CMSS1: variants seen among roughly 807,000 people sequenced by gnomAD.
CMSS1 encodes protein CMSS1.
Under a neutral mutation model 43.5 loss-of-function variants are expected in CMSS1, and 33 were observed. The observed-to-expected ratio is 0.76, with a 90% CI of 0.57 to 1.01. CMSS1 has a LOEUF of 1.01. Ranked by LOEUF, CMSS1 falls within the 50% of genes least tolerant of loss-of-function variation. The probability of loss-of-function intolerance (pLI) is 0.00; values close to 1 mark genes in which losing one functional copy is unlikely to be tolerated. For missense variants in CMSS1, 313 were observed against 326.4 expected, an observed-to-expected ratio of 0.96 and a Z score of 0.32; for synonymous variants, 115 against 117.2, an observed-to-expected ratio of 0.98 and a Z score of 0.12.
At chr3:99,986,749 C>T (rs1709353286) in intron 1 of CMSS1, among the ~76,000 whole-genome samples, 2 of 151,968 alleles carry the variant, frequency 1.3e-5, no homozygotes, top group African/African-American at 2.4e-5. Context: ...TTTTGCCCCA[C>T]CCCCAGGGGA....
chr3:99,881,633 G>C (rs1217380328), intron 1 of CMSS1, among the ~76,000 whole-genome samples: 1 of 151,726 alleles, frequency 6.6e-6, no homozygotes, highest in Non-Finnish European at 1.5e-5. Flanking sequence ...CCTGGGTTCA[G>C]ACAGTTCTCC....
At chr3:99,894,215 G>A (rs149821156) in intron 1 of CMSS1, among the ~76,000 whole-genome samples, 1,762 of 152,298 alleles carry the variant, frequency 0.012, 19 homozygotes, top group African/African-American at 0.026. Flanking sequence ...TAAGTAGATT[G>A]CATAAGATAC....
At chr3:99,868,391 C>G (rs1485091755) in intron 1 of CMSS1, among the ~76,000 whole-genome samples, 3 of 152,174 alleles carry the variant, frequency 2.0e-5, no homozygotes, top group Non-Finnish European at 4.4e-5. Flanking sequence ...CTGCATCCTA[C>G]AAAGGACCTC....
chr3:100,154,778 G>A (rs995611601), intron 2 of CMSS1, among the ~76,000 whole-genome samples: 2 of 152,062 alleles, frequency 1.3e-5, no homozygotes, highest in African/African-American at 4.8e-5. Context: ...TTCAAGACAA[G>A]CCTGGCCAAT....
chr3:100,129,282 T>G (rs1444762894), intron 1 of CMSS1, among the ~76,000 whole-genome samples: 1 of 152,226 alleles, frequency 6.6e-6, no homozygotes, highest in Non-Finnish European at 1.5e-5. Flanking sequence ...CATTAGATTT[T>G]TGAGGGATGA....
At chr3:100,173,482 T>C (rs1329852644) in intron 8 of CMSS1, among the ~76,000 whole-genome samples, 4 of 152,106 alleles carry the variant, frequency 2.6e-5, no homozygotes, top group Non-Finnish European at 4.4e-5. Context: ...CCTTTTCCCC[T>C]CAAGGAGCTC....
At position 99,975,484 on chromosome 3, in the gene CMSS1, C is replaced by T. The variant is rs368066600; in HGVS notation, c.64+157441C>T. On this transcript the variant is annotated intron_variant, in intron 1 of 9. Coordinates refer to ENST00000421999, the MANE Select transcript of CMSS1 (RefSeq NM_032359.4). ...GCGGGCGCCTGTAATCCCAGCTACT[C>T]GGGAGGCTGAGGCAGGAGAATTGCT... 4.6e-5 allele frequency among the ~76,000 whole-genome samples: 7 copies of T among 151,576 alleles called. No individual in the cohort carries two copies. The South Asian group carries it at 1.0e-3, about 23-fold the overall frequency.
chr3:99,847,194 T>C (rs1425133535), intron 1 of CMSS1, among the ~76,000 whole-genome samples: 1 of 152,038 alleles, frequency 6.6e-6, no homozygotes, highest in Non-Finnish European at 1.5e-5. Flanking sequence ...TTTTATTTGC[T>C]TGTTTAAAAA....
intron 7 of CMSS1, 165 bp from the exon 8 acceptor site, chr3:100,172,151 G>C (rs12634094): frequency 1.5e-6 from 1 of 661,850 alleles, no homozygotes; most frequent in East Asian, 2.7e-5. Context: ...AAGATTACCA[G>C]TTTTCTAGGG....
At chr3:99,994,038 T>A (rs1161802095) in intron 1 of CMSS1, among the ~76,000 whole-genome samples, 1 of 152,114 alleles carries the variant, frequency 6.6e-6, no homozygotes. Flanking sequence ...GTTTCAGGAG[T>A]ATTGGATTTT....
intron 1 of CMSS1, among the ~76,000 whole-genome samples, chr3:100,082,461 A>G (rs2065946922): frequency 6.6e-6 from 1 of 152,304 alleles, no homozygotes; most frequent in East Asian, 1.9e-4. Context: ...GTAGTTAGTT[A>G]ATGGTTTCTA....
intron 1 of CMSS1, among the ~76,000 whole-genome samples, chr3:99,996,677 C>A (rs1709693189): frequency 6.6e-6 from 1 of 152,118 alleles, no homozygotes. Context: ...AAAGGCGCTT[C>A]TTACATGGGG....
intron 1 of CMSS1, among the ~76,000 whole-genome samples, chr3:100,047,663 C>T (rs1238014744): frequency 6.6e-6 from 1 of 152,198 alleles, no homozygotes; most frequent in African/African-American, 2.4e-5. Flanking sequence ...TTTTGTCCTT[C>T]TGGAAGCCTC....
At chr3:99,832,443 G>C (rs567579780) in intron 1 of CMSS1, among the ~76,000 whole-genome samples, 1 of 148,808 alleles carries the variant, frequency 6.7e-6, no homozygotes, top group South Asian at 2.1e-4. Context: ...TGTTAGCCAG[G>C]ATGATCTCGA....
intron 1 of CMSS1, among the ~76,000 whole-genome samples, chr3:99,944,968 A>G (rs1284311808): frequency 6.6e-6 from 1 of 152,220 alleles, no homozygotes; most frequent in East Asian, 1.9e-4. Flanking sequence ...ACTGTTCATT[A>G]TTCGGCTCAT....
At chr3:100,167,677 C>A in intron 5 of CMSS1, 61 bp from the exon 6 acceptor site, 1 of 1,003,254 alleles carries the variant, frequency 1.0e-6, no homozygotes, top group Non-Finnish European at 1.5e-6. Flanking sequence ...AAATGCTCAA[C>A]TTGGGAGGTG....
chr3:99,920,696 C>T (rs993375930), intron 1 of CMSS1, among the ~76,000 whole-genome samples: 1 of 150,980 alleles, frequency 6.6e-6, no homozygotes, highest in Admixed American at 6.6e-5. Context: ...CAATTGCTTA[C>T]TGATTACGAC....
At chr3:100,065,190 A>G (rs1224341680) in intron 1 of CMSS1, among the ~76,000 whole-genome samples, 6 of 152,172 alleles carry the variant, frequency 3.9e-5, no homozygotes, top group Admixed American at 2.0e-4. Context: ...GCCCCACCCC[A>G]GACTTACTGA....
intron 1 of CMSS1, among the ~76,000 whole-genome samples, chr3:99,854,618 C>T (rs1479895065): frequency 2.0e-5 from 3 of 152,170 alleles, no homozygotes; most frequent in Non-Finnish European, 4.4e-5. Context: ...TTGTGCACTA[C>T]AAGATGTTTA....
Sources: allele counts gnomAD v4.1 joint callset (sites outside exome capture counted in the v4.1 genomes callset), GRCh38; gene constraint gnomAD v4.1.1; transcripts MANE v1.5; gene names NCBI Gene and HGNC (gene_info 2026-07-23, HGNC 2026-07-21).